The following SUSD6 variants were observed in gnomAD, a reference collection of about 807,000 sequenced individuals.
SUSD6 encodes sushi domain containing 6, also known as sushi domain-containing protein 6.
In SUSD6, 16 loss-of-function variants were observed where a neutral mutation model predicts 28.4. The ratio of observed to expected loss-of-function variants is 0.56; its 90% confidence interval spans 0.38 to 0.86. The LOEUF (loss-of-function observed/expected upper bound fraction) is 0.86. Among genes scored for constraint, SUSD6 ranks in the 40% least tolerant of loss-of-function variants. SUSD6 has a pLI of 0.00. For missense variants in SUSD6, 341 were observed against 384.2 expected, an observed-to-expected ratio of 0.89 and a Z score of 0.94; for synonymous variants, 147 against 159.6, an observed-to-expected ratio of 0.92 and a Z score of 0.59.
intron 2 of SUSD6, among the ~76,000 whole-genome samples, chr14:69,667,528 C>T (rs917058509): frequency 1.1e-4 from 17 of 151,830 alleles, no homozygotes; most frequent in Middle Eastern, 3.2e-3. Context: ...AGACACCCGC[C>T]GCCACACCCA....
intron 2 of SUSD6, among the ~76,000 whole-genome samples, chr14:69,659,103 GCT>G (rs1473879617): frequency 6.6e-6 from 1 of 152,192 alleles, no homozygotes; most frequent in Non-Finnish European, 1.5e-5. Context: ...CTGCTGCAAG[GCT>G]CTGTTTCCTC....
At chr14:69,679,632 T>C (rs1236607228) in intron 2 of SUSD6, among the ~76,000 whole-genome samples, 1 of 152,058 alleles carries the variant, frequency 6.6e-6, no homozygotes, top group Non-Finnish European at 1.5e-5. Context: ...GTATTTTATG[T>C]GTGGCCCAAA....
At chr14:69,646,054 A>G (rs1267435903) in intron 1 of SUSD6, among the ~76,000 whole-genome samples, 1 of 152,078 alleles carries the variant, frequency 6.6e-6, no homozygotes, top group Non-Finnish European at 1.5e-5. Context: ...CTGGCCTCCC[A>G]CTTTTAATTC....
intron 2 of SUSD6, among the ~76,000 whole-genome samples, chr14:69,691,051 T>A (rs1227498503): frequency 6.6e-6 from 1 of 152,112 alleles, no homozygotes; most frequent in African/African-American, 2.4e-5. Flanking sequence ...GAAAAGACCA[T>A]TCAGGGCTGG....
Position 69,644,996 on chromosome 14 carries a change from T to A in SUSD6, c.-80-13517T>A, listed in dbSNP as rs72723884. Among the ~76,000 whole-genome samples the A allele has an allele frequency of 9.7e-3, 1,477 of 152,226 alleles. 11 individuals carry two copies. Among genetic ancestry groups the A allele is most frequent in the Non-Finnish European group, 0.016 (1,077 of 67,996 alleles). On this transcript the variant is annotated intron_variant, in intron 1 of 5. Coordinates refer to ENST00000342745, the MANE Select transcript of SUSD6 (RefSeq NM_014734.4). ...AAGGAACAGTGGGCAAGTTCCTACT[T>A]CTCATTTTTGCTTGTACCTCACAGT... is the stretch of plus-strand genomic sequence containing the variant.
chr14:69,644,244 C>T (rs939438175), intron 1 of SUSD6, among the ~76,000 whole-genome samples: 1 of 152,118 alleles, frequency 6.6e-6, no homozygotes, highest in Admixed American at 6.5e-5. Flanking sequence ...AGTTCATAAG[C>T]CCTGTCTGGA....
intron 1 of SUSD6, among the ~76,000 whole-genome samples, chr14:69,621,551 C>G (rs1885041507): frequency 6.6e-6 from 1 of 152,200 alleles, no homozygotes; most frequent in African/African-American, 2.4e-5. Context: ...ACCAGAAAGT[C>G]ATCCCTGCTA....
intron 4 of SUSD6, 48 bp downstream of exon 4, chr14:69,704,790 A>G (rs947158387): frequency 1.5e-5 from 24 of 1,594,976 alleles, no homozygotes; most frequent in Non-Finnish European, 6.0e-6. Context: ...TGCAAGCATT[A>G]CTGTGGGGGC....
intron 5 of SUSD6, among the ~76,000 whole-genome samples, chr14:69,709,604 T>C (rs1886434799): frequency 1.3e-5 from 2 of 152,220 alleles, no homozygotes; most frequent in South Asian, 4.1e-4. Context: ...CAGGTATTTA[T>C]TGACATCCCC....
chr14:69,675,416 G>A (rs780120324), intron 2 of SUSD6, among the ~76,000 whole-genome samples: 1 of 152,306 alleles, frequency 6.6e-6, no homozygotes, highest in Non-Finnish European at 1.5e-5. Flanking sequence ...TGGCCCTGGT[G>A]GACGTCCAGA....
At position 69,675,472 on chromosome 14, in the gene SUSD6, C is replaced by A. The variant is rs115300234; in HGVS notation, c.121+16759C>A. 4.4e-3 allele frequency among the ~76,000 whole-genome samples: 675 copies of A among 152,168 alleles called. 5 individuals are homozygous for A. The highest frequency in any genetic ancestry group is 0.016 in the African/African-American group (646 of 41,516). Reference sequence around the variant, plus strand: ...CAGCAGGATGGTGGCTAAACTCAAACCTTGGGAACTGTAGTCTCTGGGGCT... The same window carrying A: ...CAGCAGGATGGTGGCTAAACTCAAAACTTGGGAACTGTAGTCTCTGGGGCT... On this transcript the variant is annotated intron_variant, in intron 2 of 5. Coordinates refer to ENST00000342745, the MANE Select transcript of SUSD6 (RefSeq NM_014734.4).
chr14:69,672,035 TATA>T (rs1885840590), intron 2 of SUSD6, among the ~76,000 whole-genome samples: 1 of 152,232 alleles, frequency 6.6e-6, no homozygotes, highest in Non-Finnish European at 1.5e-5. Context: ...AATGGATTAT[TATA>T]ATACTATTTT....
intron 1 of SUSD6, among the ~76,000 whole-genome samples, chr14:69,653,361 A>C (rs538265709): frequency 6.6e-6 from 1 of 152,214 alleles, no homozygotes; most frequent in Admixed American, 6.5e-5. Context: ...AAAGCCGGCT[A>C]TTGGGGTAAG....
rs561700963 is a variant in SUSD6 at position 69,622,444 on chromosome 14, A to G, written c.-81+10616A>G. Among the ~76,000 whole-genome samples the G allele has an allele frequency of 5.6e-3, 848 of 152,272 alleles. 3 individuals are homozygous for G. The highest frequency in any genetic ancestry group is 8.8e-3 in the Non-Finnish European group (597 of 68,002). The stretch of plus-strand genomic sequence containing the variant: ...CAGCCTCCCAAAGTGCCGGGATTAC[A>G]GGCATGAGCTACCACCCCGGCCCAG... On this transcript the variant is annotated intron_variant, in intron 1 of 5. Coordinates refer to ENST00000342745, the MANE Select transcript of SUSD6 (RefSeq NM_014734.4).
At chr14:69,705,481 T>G (rs1886375816) in intron 4 of SUSD6, among the ~76,000 whole-genome samples, 1 of 152,194 alleles carries the variant, frequency 6.6e-6, no homozygotes. Flanking sequence ...CCCAGTGATA[T>G]TGTTTAACAA....
intron 1 of SUSD6, among the ~76,000 whole-genome samples, chr14:69,613,648 G>A (rs1595026557): frequency 6.6e-6 from 1 of 152,212 alleles, no homozygotes; most frequent in East Asian, 1.9e-4. Flanking sequence ...ATTTGTTTTG[G>A]TTTATGTTGT....
chr14:69,659,782 ATGT>A (rs1027778607), intron 2 of SUSD6, among the ~76,000 whole-genome samples: 1 of 152,028 alleles, frequency 6.6e-6, no homozygotes, highest in African/African-American at 2.4e-5. Flanking sequence ...GCCTCCCAAA[ATGT>A]TGGGATTACA....
chr14:69,659,793 A>G (rs187568992), intron 2 of SUSD6, among the ~76,000 whole-genome samples: 1 of 152,332 alleles, frequency 6.6e-6, no homozygotes, highest in Non-Finnish European at 1.5e-5. Context: ...TGTTGGGATT[A>G]CAGGCGTCAG....
rs1373202207 is a variant in SUSD6, at chr14:69,653,861, A to G, written c.-80-4652A>G. The stretch of plus-strand genomic sequence containing the variant: ...TATTTCTTAAAATGATTAGATTTAT[A>G]CTGTGGCCCTTTCTCCACAGTAGCT... On this transcript the variant is annotated intron_variant, in intron 1 of 5. Transcript: ENST00000342745. 2.0e-5 allele frequency among the ~76,000 whole-genome samples: 3 copies of G among 146,370 alleles called. No homozygotes were observed. In the East Asian group the frequency reaches 6.1e-4, roughly 30 times the overall value.
Sources: allele counts gnomAD v4.1 joint callset (sites outside exome capture counted in the v4.1 genomes callset), GRCh38; gene constraint gnomAD v4.1.1; transcripts MANE v1.5; gene names NCBI Gene and HGNC (gene_info 2026-07-23, HGNC 2026-07-21).